MLC1: variants seen among roughly 807,000 people sequenced by gnomAD.
MLC1 encodes the protein membrane protein MLC1.
A neutral mutation model predicts 44.7 loss-of-function variants in MLC1; 32 were observed. The ratio of observed to expected loss-of-function variants is 0.72; its 90% CI spans 0.54 to 0.96. MLC1 has a LOEUF of 0.96. Ranked by LOEUF, MLC1 falls within the 40% of genes least tolerant of loss-of-function variation. MLC1 has a pLI of 0.00. For missense variants in MLC1, 459 were observed against 492.2 expected (o/e 0.93, Z 0.64); for synonymous variants, 190 against 213.0 (o/e 0.89, Z 0.94).
chr22:50,073,318 C>T (rs181775651), intron 8 of MLC1, among the ~76,000 whole-genome samples: 7 of 152,352 alleles, frequency 4.6e-5, no homozygotes, highest in Admixed American at 1.3e-4. Context: ...CCGTCAACAC[C>T]GGTGTGCAGG....
chr22:50,061,374 G>A lies in MLC1; in HGVS notation c.*209C>T, dbSNP rs2061556544. 1 of 617,738 alleles carries A rather than the reference G, an allele frequency of 1.6e-6. No homozygotes were observed. Among genetic ancestry groups the A allele is most frequent in the Non-Finnish European group, 2.9e-6 (1 of 342,674 alleles). 38.3% of individuals were successfully genotyped at this position (617,738 alleles called of 1,614,324 possible). On this transcript the variant is annotated 3_prime_UTR_variant, in exon 12 of 12. Coordinates refer to ENST00000311597, the MANE Select transcript of MLC1 (RefSeq NM_015166.4). ...TACGACACGGGAGCCACTCGGAGCT[G>A]ACTGATCTCACTGAGGCACAGACTA...
intron 9 of MLC1, among the ~76,000 whole-genome samples, chr22:50,070,000 G>A (rs911528838): frequency 1.6e-4 from 25 of 152,108 alleles, no homozygotes; most frequent in African/African-American, 4.8e-4. Flanking sequence ...TCAGGAGTTC[G>A]AGACCAGCCT....
intron 8 of MLC1, among the ~76,000 whole-genome samples, chr22:50,071,649 C>G (rs2061855150): frequency 6.6e-6 from 1 of 152,206 alleles, no homozygotes; most frequent in South Asian, 2.1e-4. Flanking sequence ...TGGACTGCCC[C>G]TTCCTGATGA....
intron 5 of MLC1, 57 bp downstream of exon 5, chr22:50,079,861 T>C: frequency 8.2e-7 from 1 of 1,221,580 alleles, no homozygotes; most frequent in Non-Finnish European, 1.2e-6. Flanking sequence ...GCTGACACCA[T>C]TCGTGGGAGT....
chr22:50,068,613 G>A (rs1234268752), intron 9 of MLC1, 58 bp from the exon 10 acceptor site: 29 of 1,597,150 alleles, frequency 1.8e-5, no homozygotes, highest in African/African-American at 1.6e-4. Flanking sequence ...CCAGGACAGC[G>A]GGCGTGGCCA....
intron 3 of MLC1, among the ~76,000 whole-genome samples, chr22:50,081,056 A>AGAAAGAAAGAAAGAAG (rs1555968071): frequency 1.3e-5 from 2 of 151,814 alleles, no homozygotes; most frequent in Admixed American, 1.3e-4. Context: ...AAAGAAAGAA[A>AGAAAGAAAGAAAGAAG]GAGGAGGTCT....
At chr22:50,084,120 G>A (rs553050708) in intron 2 of MLC1, among the ~76,000 whole-genome samples, 1 of 152,244 alleles carries the variant, frequency 6.6e-6, no homozygotes, top group South Asian at 2.1e-4. Flanking sequence ...CTGCATAGAG[G>A]CCTGTCCTGC....
chr22:50,061,693 G>T, intron 11 of MLC1, 36 bp from the exon 12 acceptor site: 5 of 1,585,430 alleles, frequency 3.2e-6, no homozygotes, highest in Non-Finnish European at 4.3e-6. Flanking sequence ...ACTTCACCAG[G>T]GCCACCTGTG....
chr22:50,063,024 G>A lies in MLC1; in HGVS notation c.1059+1010C>T, dbSNP rs575139756. Among the ~76,000 whole-genome samples, 11 of 152,248 alleles carry A rather than the reference G, an allele frequency of 7.2e-5. No individual in the cohort carries two copies. The East Asian group carries it at 1.4e-3, about 19-fold the overall frequency. On this transcript the variant is annotated intron_variant, in intron 11 of 11. Coordinates refer to ENST00000311597, the MANE Select transcript of MLC1 (RefSeq NM_015166.4). ...GGCATTGCCTTCCCTGCAGAACCGC[G>A]TCCCCACCAGAGACCAGGGAAGGAA...
At chr22:50,080,115 C>T (rs1405466465) in intron 4 of MLC1, 96 bp from the exon 5 acceptor site, 1 of 1,105,748 alleles carries the variant, frequency 9.0e-7, no homozygotes, top group Non-Finnish European at 1.4e-6. Flanking sequence ...TAAAAATTAT[C>T]CTGATTAGGA....
At chr22:50,061,973 G>A (rs1262110149) in intron 11 of MLC1, among the ~76,000 whole-genome samples, 1 of 152,226 alleles carries the variant, frequency 6.6e-6, no homozygotes, top group Non-Finnish European at 1.5e-5. Flanking sequence ...GGTTGGGCAT[G>A]TGCCTGACGG....
At chr22:50,071,051 C>A (rs1332942477) in intron 8 of MLC1, among the ~76,000 whole-genome samples, 3 of 152,102 alleles carry the variant, frequency 2.0e-5, no homozygotes, top group Non-Finnish European at 2.9e-5. Flanking sequence ...TGCCCAGATT[C>A]TTCCAGTTGT....
intron 3 of MLC1, among the ~76,000 whole-genome samples, chr22:50,081,009 A>AAAAGGAAGAAAGAAAGAAAGAAAGAAAG (rs1555967990): frequency 5.2e-5 from 5 of 96,740 alleles, no homozygotes; most frequent in Admixed American, 1.1e-4. Flanking sequence ...TTGTCTCAAA[A>AAAAGGAAGAAAGAAAGAAAGAAAGAAAG]AAAGAAAGAA....
At chr22:50,065,012 C>T (rs1418623938) in intron 10 of MLC1, among the ~76,000 whole-genome samples, 1 of 152,230 alleles carries the variant, frequency 6.6e-6, no homozygotes, top group Non-Finnish European at 1.5e-5. Context: ...GCAACCTCTA[C>T]ATCCCAGGTT....
intron 7 of MLC1, among the ~76,000 whole-genome samples, chr22:50,075,126 TCAGGGAGGGGCCGCAACCAGCACC>T (rs2061947513): frequency 7.1e-6 from 1 of 141,690 alleles, no homozygotes; most frequent in African/African-American, 3.1e-5. Context: ...ACCGCCAGAC[TCAGGGAGGGGCCGCAACCAGCACC>T]GCCAGACTCA....
At chr22:50,084,300 G>A (rs752317319) in intron 2 of MLC1, among the ~76,000 whole-genome samples, 26 of 152,078 alleles carry the variant, frequency 1.7e-4, no homozygotes, top group African/African-American at 4.6e-4. Context: ...CCTCCCAGCC[G>A]GCCCCTGAGG....
At chr22:50,064,848 C>G (rs759607088) in intron 10 of MLC1, among the ~76,000 whole-genome samples, 3 of 151,760 alleles carry the variant, frequency 2.0e-5, no homozygotes, top group Non-Finnish European at 2.9e-5. Context: ...TGTTAACACA[C>G]AAAAGAGCCA....
intron 10 of MLC1, 76 bp from the exon 11 acceptor site, chr22:50,064,274 A>C: frequency 6.6e-7 from 1 of 1,522,946 alleles, no homozygotes; most frequent in Non-Finnish European, 8.8e-7. Flanking sequence ...CCTCGTGCCC[A>C]CGGCCTTCAC....
chr22:50,081,452 C>T (rs565529567), intron 3 of MLC1, among the ~76,000 whole-genome samples: 1 of 148,810 alleles, frequency 6.7e-6, no homozygotes, highest in Non-Finnish European at 1.5e-5. Context: ...GCCTTCTTGT[C>T]CTCAGCCTTC....
Sources: allele counts gnomAD v4.1 joint callset (sites outside exome capture counted in the v4.1 genomes callset), GRCh38; gene constraint gnomAD v4.1.1; transcripts MANE v1.5; gene names NCBI Gene and HGNC (gene_info 2026-07-23, HGNC 2026-07-21).